CNTN5: variants seen among roughly 807,000 people sequenced by gnomAD.
CNTN5 encodes contactin 5, also known as contactin-5.
Under a neutral mutation model 129.1 loss-of-function variants are expected in CNTN5, and 77 were observed. That is an observed-to-expected ratio of 0.60 (90% CI 0.50 to 0.72). The LOEUF (loss-of-function observed/expected upper bound fraction) is 0.72. Among genes scored for constraint, CNTN5 ranks in the 30% least tolerant of loss-of-function variants. CNTN5 has a pLI of 0.00. For synonymous variants in CNTN5, 509 were observed against 465.6 expected (o/e 1.09, Z -1.20); for missense variants, 1,478 against 1,328.8 (o/e 1.11, Z -1.75).
At chr11:99,864,954 A>T (rs981580330) in intron 6 of CNTN5, among the ~76,000 whole-genome samples, 1 of 152,226 alleles carries the variant, frequency 6.6e-6, no homozygotes, top group African/African-American at 2.4e-5. Flanking sequence ...AAAAACAATC[A>T]TTGGCATATA....
intron 2 of CNTN5, among the ~76,000 whole-genome samples, chr11:99,340,636 G>A (rs1241433016): frequency 6.6e-6 from 1 of 152,160 alleles, no homozygotes; most frequent in East Asian, 1.9e-4. Flanking sequence ...TGGCGTAGAA[G>A]TTATGGTTGA....
chr11:100,212,193 T>G (rs1380868289), intron 15 of CNTN5, among the ~76,000 whole-genome samples: 1 of 152,152 alleles, frequency 6.6e-6, no homozygotes, highest in Admixed American at 6.5e-5. Context: ...ATCTCATAAT[T>G]ATCACTCAAT....
At chr11:100,027,653 G>A (rs571512077) in intron 9 of CNTN5, among the ~76,000 whole-genome samples, 3 of 152,176 alleles carry the variant, frequency 2.0e-5, no homozygotes, top group African/African-American at 7.2e-5. Context: ...CTGCACAGCT[G>A]TCCTCTCTCG....
At chr11:99,680,359 G>T (rs1181407310) in intron 3 of CNTN5, among the ~76,000 whole-genome samples, 2 of 152,110 alleles carry the variant, frequency 1.3e-5, no homozygotes, top group African/African-American at 4.8e-5. Context: ...TGCACCTGAT[G>T]ATTGTAAATT....
At chr11:100,328,492 C>G (rs1355855574) in intron 21 of CNTN5, among the ~76,000 whole-genome samples, 3 of 152,078 alleles carry the variant, frequency 2.0e-5, no homozygotes, top group African/African-American at 4.8e-5. Context: ...CTGAGGAGGC[C>G]TCAGCAAACT....
chr11:99,867,859 A>G (rs1478614137), intron 6 of CNTN5, among the ~76,000 whole-genome samples: 1 of 152,178 alleles, frequency 6.6e-6, no homozygotes, highest in Non-Finnish European at 1.5e-5. Context: ...TACCTGGAAA[A>G]ACAGGAAATT....
At chr11:99,139,629 A>C (rs1032329417) in intron 1 of CNTN5, among the ~76,000 whole-genome samples, 4 of 152,184 alleles carry the variant, frequency 2.6e-5, no homozygotes, top group Admixed American at 2.6e-4. Flanking sequence ...TTCTTATTTC[A>C]ATATGTATTT....
At chr11:99,212,585 C>T (rs1040671968) in intron 1 of CNTN5, among the ~76,000 whole-genome samples, 5 of 152,056 alleles carry the variant, frequency 3.3e-5, no homozygotes, top group African/African-American at 9.7e-5. Context: ...TGTACATAAA[C>T]GGACCTCCCA....
chr11:100,035,203 G>A (rs550392428), intron 9 of CNTN5, among the ~76,000 whole-genome samples: 3 of 89,216 alleles, frequency 3.4e-5, no homozygotes, highest in East Asian at 5.0e-4. Context: ...TCCCACCTAT[G>A]AGTGAGAACA....
chr11:99,945,079 T>C (rs1399891716), intron 7 of CNTN5, among the ~76,000 whole-genome samples: 1 of 151,974 alleles, frequency 6.6e-6, no homozygotes, highest in East Asian at 1.9e-4. Context: ...ATCGGATGGT[T>C]AAGAAAGAGA....
intron 3 of CNTN5, among the ~76,000 whole-genome samples, chr11:99,720,119 C>T (rs1943121769): frequency 6.6e-6 from 1 of 152,078 alleles, no homozygotes; most frequent in South Asian, 2.1e-4. Flanking sequence ...AGATCTGGTA[C>T]TATAGAAACT....
chr11:99,590,985 A>AATTAC (rs1224028564), intron 3 of CNTN5, among the ~76,000 whole-genome samples: 1 of 152,234 alleles, frequency 6.6e-6, no homozygotes, highest in African/African-American at 2.4e-5. Context: ...GCAAATAATA[A>AATTAC]ATTACAATTA....
At chr11:99,653,955 A>AG (rs1273489078) in intron 3 of CNTN5, among the ~76,000 whole-genome samples, 1 of 152,034 alleles carries the variant, frequency 6.6e-6, no homozygotes, top group African/African-American at 2.4e-5. Context: ...CAGTCAGTCA[A>AG]GGCAGTTCAA....
At chr11:100,087,339 T>C (rs1386218786) in intron 13 of CNTN5, among the ~76,000 whole-genome samples, 1 of 151,586 alleles carries the variant, frequency 6.6e-6, no homozygotes, top group African/African-American at 2.4e-5. Flanking sequence ...AGTTAAAAAA[T>C]CTTCAAACAT....
intron 3 of CNTN5, among the ~76,000 whole-genome samples, chr11:99,808,424 A>G (rs997713429): frequency 2.0e-5 from 3 of 152,030 alleles, no homozygotes; most frequent in African/African-American, 7.2e-5. Context: ...TTAAATGAAA[A>G]CTCACCTAAC....
intron 3 of CNTN5, among the ~76,000 whole-genome samples, chr11:99,625,693 C>CT (rs969972980): frequency 7.3e-5 from 11 of 151,672 alleles, no homozygotes; most frequent in African/African-American, 2.7e-4. Context: ...TTATAAAGAC[C>CT]TTTTTTCTGT....
rs533646527 is a variant in CNTN5, at chr11:99,172,860, AT to A, written c.-210+151593del. 2.8e-4 allele frequency among the ~76,000 whole-genome samples: 42 copies of A among 152,328 alleles called. No homozygotes were observed. In the South Asian group the frequency reaches 8.7e-3, roughly 32 times the overall value. ...AAGGAGATTTCCAAAATAGTAACTT[AT>A]TTGAGATTTAAGTATAATTCTTGTA... On this transcript the variant is annotated intron_variant, in intron 1 of 24. Transcript: ENST00000524871.
intron 1 of CNTN5, among the ~76,000 whole-genome samples, chr11:99,131,112 A>C (rs1379200709): frequency 5.7e-3 from 10 of 1,740 alleles, no homozygotes; most frequent in Non-Finnish European, 8.8e-3. Context: ...AATACAAAAA[A>C]TTACAGGCAC....
At chr11:99,644,228 C>CTGAT (rs35540308) in intron 3 of CNTN5, among the ~76,000 whole-genome samples, 1 of 151,612 alleles carries the variant, frequency 6.6e-6, no homozygotes. Context: ...GAAACTCCTC[C>CTGAT]TATTACGTCT....
Sources: allele counts gnomAD v4.1 joint callset (sites outside exome capture counted in the v4.1 genomes callset), GRCh38; gene constraint gnomAD v4.1.1; transcripts MANE v1.5; gene names NCBI Gene and HGNC (gene_info 2026-07-23, HGNC 2026-07-21).